CHIC2: variants seen among roughly 807,000 people sequenced by gnomAD.
CHIC2 encodes cysteine-rich hydrophobic domain-containing protein 2.
In CHIC2, 14 loss-of-function variants were observed where a neutral mutation model predicts 25.9. The observed-to-expected ratio is 0.54, with a 90% CI of 0.36 to 0.85. The LOEUF (loss-of-function observed/expected upper bound fraction) is 0.85. CHIC2 is among the 40% of genes least tolerant of loss of function. The pLI is 0.01. For synonymous variants in CHIC2, 70 were observed against 72.0 expected (o/e 0.97, Z 0.14); for missense variants, 146 against 202.0 (o/e 0.72, Z 1.68).
At chr4:54,026,070 T>C (rs1188166356) in intron 3 of CHIC2, among the ~76,000 whole-genome samples, 1 of 152,098 alleles carries the variant, frequency 6.6e-6, no homozygotes, top group Non-Finnish European at 1.5e-5. Flanking sequence ...TTGGACTACT[T>C]TCTTTTTACA....
At chr4:54,074,140 A>G in the CHIC2 span, among the ~76,000 whole-genome samples, 1 of 152,054 alleles carries the variant, frequency 6.6e-6, no homozygotes, top group Non-Finnish European at 1.5e-5. Context: ...TCCGGGTGAC[A>G]GTGAGAGATT....
chr4:54,087,392 A>G, the CHIC2 span: 4 of 567,864 alleles, frequency 7.0e-6, no homozygotes, highest in South Asian at 9.7e-5. Flanking sequence ...TGTAGATGCA[A>G]TTCTAAAGGA....
At chr4:54,059,017 A>G (rs188456223) in intron 1 of CHIC2, among the ~76,000 whole-genome samples, 4 of 152,304 alleles carry the variant, frequency 2.6e-5, no homozygotes, top group African/African-American at 9.6e-5. Context: ...CAAATGTCAT[A>G]TAAATTCTCA....
intron 3 of CHIC2, among the ~76,000 whole-genome samples, chr4:54,021,614 T>C (rs1232189813): frequency 2.0e-5 from 3 of 152,164 alleles, no homozygotes; most frequent in Admixed American, 6.6e-5. Flanking sequence ...AAAAGGTGAC[T>C]GGAGCTGAAG....
rs141537140 is a variant in CHIC2 at position 54,015,951 on chromosome 4, A to G, written c.331-1832T>C. ...ACTCTATCAATGGTGAAAAATGGCA[A>G]TAGGTTCTACTCTGAGCAGGCATCT... On this transcript the variant is annotated intron_variant, in intron 3 of 5. Transcript: ENST00000263921. 6.3e-3 allele frequency among the ~76,000 whole-genome samples: 964 copies of G among 152,330 alleles called. 9 individuals are homozygous for G. The highest frequency in any genetic ancestry group is 0.03 in the Admixed American group (458 of 15,292).
At chr4:54,049,360 T>C (rs75090248) in intron 1 of CHIC2, 55 bp from the exon 2 acceptor site, 113,673 of 1,152,112 alleles carry the variant, frequency 0.099, 6,598 homozygotes, top group Middle Eastern at 0.12. Flanking sequence ...GCCAAAAATG[T>C]AGACCATTTA....
At chr4:54,070,336 G>A in the CHIC2 span, among the ~76,000 whole-genome samples, 2,788 of 152,200 alleles carry the variant, frequency 0.018, 76 homozygotes, top group African/African-American at 0.063. Flanking sequence ...GTAAAGGAGC[G>A]GAGGATGTGA....
intron 3 of CHIC2, among the ~76,000 whole-genome samples, chr4:54,029,813 C>T (rs1023805505): frequency 2.6e-5 from 4 of 152,072 alleles, no homozygotes; most frequent in Admixed American, 6.6e-5. Flanking sequence ...TTTTATATTC[C>T]TCCCATATAC....
At chr4:54,060,525 A>C (rs1008474017) in intron 1 of CHIC2, 2 of 152,162 alleles carry the variant, frequency 1.3e-5, no homozygotes, top group East Asian at 3.8e-4. Context: ...TGATACAAGA[A>C]GGGTAGAAAG....
chr4:54,064,699 G>T, upstream of CHIC2: 1 of 996,304 alleles, frequency 1.0e-6, no homozygotes. The surrounding 1 kb of genome is among the most constrained non-coding windows in gnomAD (Gnocchi z 4.2). Flanking sequence ...GTGCGTGGGC[G>T]CGTGGGCGAG....
intron 3 of CHIC2, 55 bp downstream of exon 3, chr4:54,048,900 G>T (rs780078967): frequency 1.3e-5 from 18 of 1,376,264 alleles, no homozygotes; most frequent in Admixed American, 8.6e-5. Context: ...CTAGATAAAT[G>T]CAAGACTTGC....
At chr4:54,016,920 G>A (rs540518465) in intron 3 of CHIC2, among the ~76,000 whole-genome samples, 67 of 150,544 alleles carry the variant, frequency 4.5e-4, no homozygotes, top group African/African-American at 1.5e-3. Context: ...AAAAAAAAAA[G>A]GTTGAGCTAC....
At chr4:54,091,586 T>A in the CHIC2 span, among the ~76,000 whole-genome samples, 1 of 152,218 alleles carries the variant, frequency 6.6e-6, no homozygotes, top group East Asian at 1.9e-4. Context: ...TTGGGTACAG[T>A]GTACACTGCT....
chr4:54,052,869 A>G (rs1000396263), intron 1 of CHIC2, among the ~76,000 whole-genome samples: 1 of 152,208 alleles, frequency 6.6e-6, no homozygotes, highest in Non-Finnish European at 1.5e-5. Context: ...TTACCTAAAA[A>G]ATAACTTGAA....
At chr4:54,032,403 T>C (rs949218556) in intron 3 of CHIC2, among the ~76,000 whole-genome samples, 1 of 151,866 alleles carries the variant, frequency 6.6e-6, no homozygotes, top group Non-Finnish European at 1.5e-5. Context: ...GTGCCTGCGA[T>C]TGCAGGTGCG....
chr4:54,019,911 AAAAAATTAAGAGAT>A (rs1469962285), intron 3 of CHIC2, among the ~76,000 whole-genome samples: 1 of 152,104 alleles, frequency 6.6e-6, no homozygotes, highest in Non-Finnish European at 1.5e-5. Context: ...AAAATTATCC[AAAAAATTAAGAGAT>A]AAAAATTAAT....
At chr4:54,079,380 A>G in the CHIC2 span, among the ~76,000 whole-genome samples, 1 of 152,170 alleles carries the variant, frequency 6.6e-6, no homozygotes, top group East Asian at 1.9e-4. Context: ...ATGTGATACC[A>G]AAAGTACAGG....
intron 3 of CHIC2, among the ~76,000 whole-genome samples, chr4:54,040,028 G>T (rs529706436): frequency 1.3e-5 from 2 of 152,190 alleles, no homozygotes; most frequent in South Asian, 4.1e-4. Flanking sequence ...GGTTGCCAGG[G>T]TTTAAGAGTT....
the CHIC2 span, among the ~76,000 whole-genome samples, chr4:54,089,546 A>G: frequency 6.6e-6 from 1 of 152,154 alleles, no homozygotes; most frequent in Non-Finnish European, 1.5e-5. Context: ...AGGGAGGTAC[A>G]TGGCTAATCA....
Sources: gnomAD v4.1 joint callset for allele counts (sites outside exome capture counted in the v4.1 genomes callset) on GRCh38, gnomAD v4.1.1 for gene constraint, Gnocchi (gnomAD v3.1) non-coding constraint, MANE v1.5 for transcripts, NCBI Gene and HGNC (gene_info 2026-07-23, HGNC 2026-07-21) for gene names.